The following POF1B variants were observed in gnomAD, a reference collection of about 807,000 sequenced individuals.
POF1B encodes the protein POF1B actin binding protein.
POF1B carries 53 observed loss-of-function variants against 55.3 expected under a neutral mutation model. The observed-to-expected ratio is 0.96, with a 90% CI of 0.77 to 1.20. The LOEUF (loss-of-function observed/expected upper bound fraction) is 1.20. Ranked by LOEUF, POF1B falls within the 50% of genes most tolerant of loss-of-function variation. POF1B has a pLI of 0.00. For synonymous variants in POF1B, 188 were observed against 148.3 expected (o/e 1.27, Z -1.95); for missense variants, 478 against 420.5 (o/e 1.14, Z -1.20).
Position 85,282,195 on chromosome X carries a change from G to T in POF1B, c.1764+8C>A. The T allele has an allele frequency of 8.5e-7, 1 of 1,180,429 alleles. No homozygotes were observed. Among genetic ancestry groups the T allele is most frequent in the Non-Finnish European group, 1.1e-6 (1 of 879,056 alleles). On this transcript the variant is annotated splice_region_variant and intron_variant, in intron 16 of 16. Transcript: ENST00000262753. The stretch of plus-strand genomic sequence containing the variant: ...AAAATAGGGCTAAAAATGCCCAAGT[G>T]AACTTACACAAGTGTATTTGTCTTC...
At position 85,331,017 on chromosome X, in the gene POF1B, A is replaced by G; in HGVS notation, c.786T>C (p.Ala262=). 2 of 1,206,562 alleles carry G rather than the reference A, an allele frequency of 1.7e-6. No homozygotes were observed. The highest frequency in any genetic ancestry group is 3.0e-5 in the East Asian group (1 of 33,616). Residue 262 remains alanine, a synonymous_variant, in exon 7 of 17, where the codon GCT becomes GCC. Transcript: ENST00000262753. ...LDPRYFGELL[A]DLSRKNTDLY... is the part of the protein sequence containing the mutation. The stretch of plus-strand genomic sequence containing the variant: ...GATCCGTATTCTTACGGCTCAGATC[A>G]GCAAGCAACTCTCCAAAATATCTGG...
At chrX:85,354,837 G>A (rs1172772201) in intron 4 of POF1B, among the ~76,000 whole-genome samples, 1 of 111,434 alleles carries the variant, frequency 9.0e-6, no homozygotes, top group Admixed American at 9.6e-5. Context: ...AACAGTCCAT[G>A]ATCATGGATA....
intron 15 of POF1B, among the ~76,000 whole-genome samples, chrX:85,299,806 C>A (rs1309052773): frequency 8.9e-6 from 1 of 112,495 alleles, no homozygotes; most frequent in Non-Finnish European, 1.9e-5. Flanking sequence ...CCGCGCCCGA[C>A]CCTTAAAACA....
intron 2 of POF1B, among the ~76,000 whole-genome samples, chrX:85,378,224 C>A (rs1933953462): frequency 9.0e-6 from 1 of 111,363 alleles, no homozygotes; most frequent in Non-Finnish European, 1.9e-5. Context: ...ATGTATTACT[C>A]CTGATTGGTA....
intron 4 of POF1B, among the ~76,000 whole-genome samples, chrX:85,354,615 G>C (rs1227764164): frequency 9.0e-6 from 1 of 110,811 alleles, no homozygotes. Flanking sequence ...AAAGTCTCAG[G>C]ATACAAAATC....
Position 85,330,826 on chromosome X carries a change from A to T in POF1B, c.854+123T>A, listed in dbSNP as rs370778053. The T allele has an allele frequency of 2.7e-5, 18 of 663,327 alleles. No individual in the cohort carries two copies. In the East Asian group the frequency reaches 6.6e-4, roughly 24 times the overall value. The allele number at this position is 663,327 out of a possible 1,213,427, so 54.7% of individuals were successfully genotyped here. A position where few individuals can be genotyped will look rare whatever the true frequency, so the allele number is the denominator to read the frequency against. On this transcript the variant is annotated intron_variant, in intron 7 of 16. Coordinates refer to ENST00000262753, the MANE Select transcript of POF1B (RefSeq NM_024921.4). ...AGAACTTAAAGTATAATTAAAAAAA[A>T]TAAAATAGAAAGTACTAGAGTTTTT...
chrX:85,343,128 T>G (rs1221027408), intron 6 of POF1B, among the ~76,000 whole-genome samples: 2 of 109,837 alleles, frequency 1.8e-5, no homozygotes, highest in African/African-American at 3.3e-5. Context: ...TCATGGCACG[T>G]GTATACCTAT....
At chrX:85,366,432 T>C (rs1286883397) in intron 3 of POF1B, among the ~76,000 whole-genome samples, 1 of 111,713 alleles carries the variant, frequency 9.0e-6, no homozygotes, top group African/African-American at 3.3e-5. Context: ...GAAGGAATCA[T>C]GAGTGATTTT....
At chrX:85,321,127 G>T (rs1932833651) in intron 7 of POF1B, among the ~76,000 whole-genome samples, 1 of 111,522 alleles carries the variant, frequency 9.0e-6, no homozygotes, top group Non-Finnish European at 1.9e-5. Flanking sequence ...AAGCCGGGAA[G>T]AGACACAACC....
chrX:85,345,028 T>C lies in POF1B; in HGVS notation c.723+832A>G, dbSNP rs182323916. ...ATTTCAGTTCTTAGAAATAATCTCA[T>C]GTATACTTAATATAAAATAATCAAA... On this transcript the variant is annotated intron_variant, in intron 6 of 16. Transcript: ENST00000262753. Among the ~76,000 whole-genome samples the C allele has an allele frequency of 3.6e-5, 4 of 111,924 alleles. No homozygotes were observed. In the East Asian group the frequency reaches 8.5e-4, roughly 24 times the overall value.
chrX:85,307,127 C>T, intron 11 of POF1B, 36 bp downstream of exon 11: 1 of 1,009,091 alleles, frequency 9.9e-7, no homozygotes. Context: ...GAAAAGCTAT[C>T]AATGTAGATT....
At chrX:85,316,246 T>C (rs1408137048) in intron 7 of POF1B, among the ~76,000 whole-genome samples, 1 of 111,773 alleles carries the variant, frequency 8.9e-6, no homozygotes, top group East Asian at 2.8e-4. Flanking sequence ...TAGAGTATAT[T>C]TGGTAATGAC....
intron 4 of POF1B, 118 bp from the exon 5 acceptor site, chrX:85,351,569 G>A: frequency 2.1e-6 from 1 of 468,192 alleles, no homozygotes; most frequent in Non-Finnish European, 3.7e-6. Context: ...CTTAGGAAGA[G>A]AGAGGAATGA....
At chrX:85,307,117 G>T (rs759241016) in intron 11 of POF1B, 46 bp downstream of exon 11, 1 of 965,297 alleles carries the variant, frequency 1.0e-6, no homozygotes, top group East Asian at 3.1e-5. Flanking sequence ...TTGTGCATAT[G>T]AAAAGCTATC....
chrX:85,366,556 G>A (rs1298971935), intron 3 of POF1B, among the ~76,000 whole-genome samples: 1 of 111,459 alleles, frequency 9.0e-6, no homozygotes, highest in African/African-American at 3.3e-5. Flanking sequence ...CCTTAATTAT[G>A]AAAAATAAAA....
chrX:85,344,047 G>A (rs952960995), intron 6 of POF1B, among the ~76,000 whole-genome samples: 6 of 111,010 alleles, frequency 5.4e-5, no homozygotes, highest in Non-Finnish European at 1.1e-4. Flanking sequence ...CAATATGCTA[G>A]CCATATCTAT....
chrX:85,379,211 A>T lies in POF1B; in HGVS notation c.244T>A (p.Ser82Thr). ...CTCCAAACCAAATTTTGGTAGGAGG[A>T]GGTGGTTTTGAGAGGGGAGAGCACT... ...REVLSPLKTT[S>T]SYQNLVWSDH... Residue 82 changes from serine to threonine, a missense_variant, in exon 2 of 17, where the codon TCC becomes ACC. By Grantham distance (58) the Ser-to-Thr change is moderately conservative. Transcript: ENST00000262753. 8.3e-7 allele frequency: 1 copy of T among 1,210,965 alleles called. No homozygotes were observed.
chrX:85,314,725 C>T (rs757247962), intron 8 of POF1B, among the ~76,000 whole-genome samples: 4 of 111,658 alleles, frequency 3.6e-5, no homozygotes, highest in Non-Finnish European at 7.6e-5. Context: ...CTGAATTCCA[C>T]GCATTTTAGG....
intron 16 of POF1B, among the ~76,000 whole-genome samples, chrX:85,280,085 T>C (rs1931865238): frequency 9.0e-6 from 1 of 111,440 alleles, no homozygotes; most frequent in Non-Finnish European, 1.9e-5. Context: ...TTGGGATTAC[T>C]AAACATTGGT....
Sources: gnomAD v4.1 joint callset for allele counts (sites outside exome capture counted in the v4.1 genomes callset) on GRCh38, gnomAD v4.1.1 for gene constraint, MANE v1.5 for transcripts, NCBI Gene and HGNC (gene_info 2026-07-23, HGNC 2026-07-21) for gene names.